ARHGAP32: variants seen among roughly 807,000 people sequenced by gnomAD.
The protein encoded by ARHGAP32 is rho GTPase-activating protein 32.
ARHGAP32 carries 51 observed loss-of-function variants against 186.5 expected under a neutral mutation model. The ratio of observed to expected loss-of-function variants is 0.27; its 90% CI spans 0.22 to 0.35. The LOEUF (loss-of-function observed/expected upper bound fraction) is 0.35, where lower values mean the gene tolerates loss of function less well. ARHGAP32 is among the 10% of genes least tolerant of loss of function. ARHGAP32 has a pLI of 1.00. For synonymous variants in ARHGAP32, 950 were observed against 964.3 expected, an observed-to-expected ratio of 0.99 and a Z score of 0.27; for missense variants, 2,186 against 2,623.5, an observed-to-expected ratio of 0.83 and a Z score of 3.64.
intron 1 of ARHGAP32, among the ~76,000 whole-genome samples, chr11:129,207,922 G>A (rs1315276275): frequency 2.6e-5 from 4 of 152,098 alleles, no homozygotes; most frequent in African/African-American, 9.7e-5. Context: ...TGTTTCTCTT[G>A]TAACCAAAAT....
Position 129,089,349 on chromosome 11 carries a change from C to T in ARHGAP32, c.531+4272G>A, listed in dbSNP as rs777902164. 1.4e-3 allele frequency among the ~76,000 whole-genome samples: 213 copies of T among 152,280 alleles called. 1 individual carries two copies. The highest frequency in any genetic ancestry group is 1.4e-3 in the Non-Finnish European group (94 of 68,024). On this transcript the variant is annotated intron_variant, in intron 6 of 22. Transcript: ENST00000682385. ...AAACACATAAATAAAATGATAGTTT[C>T]ATACTCTGAAGAAATAAGGAGGGAT...
chr11:129,136,923 G>C (rs144784540), intron 2 of ARHGAP32, among the ~76,000 whole-genome samples: 349 of 151,856 alleles, frequency 2.3e-3, no homozygotes, highest in African/African-American at 8.2e-3. Context: ...TTCTTATACT[G>C]ACAAAAGTAC....
intron 11 of ARHGAP32, chr11:129,024,255 G>A (rs1390034669): frequency 1.2e-6 from 1 of 805,166 alleles, no homozygotes; most frequent in Non-Finnish European, 1.5e-6. Context: ...CACCAGAAGA[G>A]CTCCACCCAT....
intron 1 of ARHGAP32, among the ~76,000 whole-genome samples, chr11:129,233,813 AAT>A (rs1174704058): frequency 1.3e-5 from 2 of 152,124 alleles, no homozygotes; most frequent in African/African-American, 4.8e-5. Context: ...CTAAAGTTTT[AAT>A]ATTACATGAT....
chr11:129,103,129 AATATACCAAACACAAAAAGAC>A (rs1213349435), intron 5 of ARHGAP32, among the ~76,000 whole-genome samples: 14 of 152,208 alleles, frequency 9.2e-5, no homozygotes, highest in African/African-American at 3.4e-4. Context: ...GCTCATGTTA[AATATACCAAACACAAAAAGAC>A]AGATACTTGA....
intron 11 of ARHGAP32, among the ~76,000 whole-genome samples, chr11:129,001,657 C>A (rs1259438896): frequency 6.6e-6 from 1 of 152,076 alleles, no homozygotes; most frequent in African/African-American, 2.4e-5. Context: ...TGCCCATGCT[C>A]GTCTGGTGTT....
chr11:128,994,711 C>A (rs762070335), intron 12 of ARHGAP32, among the ~76,000 whole-genome samples: 112 of 152,146 alleles, frequency 7.4e-4, no homozygotes, highest in Non-Finnish European at 1.4e-3. Context: ...TATTAAAAAA[C>A]CATTTTATTT....
At chr11:129,174,410 C>CCT (rs1324251898) in intron 1 of ARHGAP32, among the ~76,000 whole-genome samples, 3 of 152,192 alleles carry the variant, frequency 2.0e-5, no homozygotes, top group Non-Finnish European at 2.9e-5. Flanking sequence ...AACAAAGCAG[C>CCT]CAGAAAGCTC....
rs750991097 is a variant in ARHGAP32, at chr11:129,124,885, C to T, written c.235G>A (p.Ala79Thr). 1.9e-5 allele frequency: 31 copies of T among 1,604,604 alleles called. No homozygotes were observed. Among genetic ancestry groups the T allele is most frequent in the South Asian group, 6.7e-5 (6 of 89,114 alleles). Residue 79 changes from alanine to threonine, a missense_variant, in exon 3 of 23, where the codon GCA (alanine) becomes ACA (threonine). By Grantham distance (58) the Ala-to-Thr change is moderately conservative. This residue lies in a region of ARHGAP32 where 108 missense variants were observed against 116.8 expected (regional missense o/e 0.92). Transcript: ENST00000682385. ...TCTCCAGGAATCTCTGGAACATCTG[C>T]GCCTCTTGCCTTAAAAAATAAAGAC... Reference protein sequence around the residue: ...EETLSAMARGADVPEIPGDLT... With the variant: ...EETLSAMARGTDVPEIPGDLT...
At chr11:129,181,073 C>T (rs1944044514) in intron 1 of ARHGAP32, among the ~76,000 whole-genome samples, 1 of 152,144 alleles carries the variant, frequency 6.6e-6, no homozygotes. Flanking sequence ...GGACTGTTCA[C>T]TCCCAGGAAT....
At position 129,044,874 on chromosome 11, in the gene ARHGAP32, G is replaced by A. The variant is rs559694574; in HGVS notation, c.964-3865C>T. 3.9e-3 allele frequency among the ~76,000 whole-genome samples: 590 copies of A among 150,452 alleles called. 2 individuals carry two copies. The highest frequency in any genetic ancestry group is 0.014 in the African/African-American group (562 of 40,872). Reference sequence around the variant, plus strand: ...AAGTAACTGCCTAGTTTCTAAGTTCGAGTATCTTTTGGCAAAAAAAAAAAA... The same window carrying A: ...AAGTAACTGCCTAGTTTCTAAGTTCAAGTATCTTTTGGCAAAAAAAAAAAA... On this transcript the variant is annotated intron_variant, in intron 10 of 22. Coordinates refer to ENST00000682385, the MANE Select transcript of ARHGAP32 (RefSeq NM_001378024.1).
intron 12 of ARHGAP32, among the ~76,000 whole-genome samples, chr11:128,989,237 C>T (rs1317895394): frequency 6.6e-6 from 1 of 151,806 alleles, no homozygotes; most frequent in African/African-American, 2.4e-5. Context: ...AAAACTTAAC[C>T]TCATCTTTGA....
At position 129,009,335 on chromosome 11, in the gene ARHGAP32, T is replaced by C. The variant is rs79404835; in HGVS notation, c.1046-10867A>G. Among the ~76,000 whole-genome samples the C allele has an allele frequency of 9.8e-3, 1,489 of 152,294 alleles. 31 individuals are homozygous for C. Among genetic ancestry groups the C allele is most frequent in the African/African-American group, 0.034 (1,408 of 41,554 alleles). ...CTAGTATGCTGGAAAACAATTTTTTTTCTTCAACTTTTATTTTATGTTCTG... is the reference window on the plus strand; with the variant it reads ...CTAGTATGCTGGAAAACAATTTTTTCTCTTCAACTTTTATTTTATGTTCTG... On this transcript the variant is annotated intron_variant, in intron 11 of 22. Transcript: ENST00000682385.
At chr11:129,165,101 G>A (rs908847570) in intron 1 of ARHGAP32, among the ~76,000 whole-genome samples, 2 of 152,106 alleles carry the variant, frequency 1.3e-5, no homozygotes, top group African/African-American at 4.8e-5. Context: ...AGAAGGCAGA[G>A]GTTGGAGGCT....
intron 11 of ARHGAP32, among the ~76,000 whole-genome samples, chr11:129,032,487 A>G (rs1037152432): frequency 1.3e-5 from 2 of 152,216 alleles, no homozygotes; most frequent in Admixed American, 6.5e-5. Flanking sequence ...AGTTACGTAC[A>G]TAGCCTTCTA....
chr11:129,279,109 C>A, intron 1 of ARHGAP32: 1 of 146,464 alleles, frequency 6.8e-6, no homozygotes, highest in South Asian at 1.9e-4. Context: ...CTGCCCACGT[C>A]ACCGGCGCCC....
intron 1 of ARHGAP32, among the ~76,000 whole-genome samples, chr11:129,170,451 T>C (rs1186244519): frequency 1.3e-5 from 2 of 152,154 alleles, no homozygotes; most frequent in East Asian, 3.9e-4. Context: ...TGTTCCTGTG[T>C]TAGCTTGCTG....
rs753908292 is a variant in ARHGAP32 at position 128,970,957 on chromosome 11, T to G, written c.4256A>C (p.His1419Pro). 1.9e-6 allele frequency: 3 copies of G among 1,613,830 alleles called. No homozygotes were observed. ...LHLRAESVPA[H>P]PCGFPAPLPP... ...CAGTGGTGCAGGAAAGCCACAGGGATGCGCAGGGACAGACTCGGCGCGCAG... is the reference window on the plus strand; with the variant it reads ...CAGTGGTGCAGGAAAGCCACAGGGAGGCGCAGGGACAGACTCGGCGCGCAG... Residue 1419 changes from histidine to proline, a missense_variant, in exon 23 of 23, where the codon CAT (histidine) becomes CCT (proline). His to Pro is a moderately conservative substitution (Grantham distance 77). Coordinates refer to ENST00000682385, the MANE Select transcript of ARHGAP32 (RefSeq NM_001378024.1). This position sits in a 1 kb window ranked among gnomAD's most constrained non-coding sequence, Gnocchi z 5.8.
chr11:128,988,229 G>C (rs769323926), intron 12 of ARHGAP32, 104 bp from the exon 13 acceptor site: 11 of 844,680 alleles, frequency 1.3e-5, no homozygotes, highest in Non-Finnish European at 2.0e-5. Context: ...AATAAAATTT[G>C]TAAATTAAAG....
Sources: gnomAD v4.1 joint callset for allele counts (sites outside exome capture counted in the v4.1 genomes callset) on GRCh38, gnomAD v4.1.1 for gene constraint, gnomAD v4.1.1 regional missense constraint, Gnocchi (gnomAD v3.1) non-coding constraint, MANE v1.5 for transcripts, NCBI Gene and HGNC (gene_info 2026-07-23, HGNC 2026-07-21) for gene names.